IPO11: variants seen among roughly 807,000 people sequenced by gnomAD.
The protein encoded by IPO11 is importin-11.
In IPO11, 66 loss-of-function variants were observed where a neutral mutation model predicts 143.2. That is an observed-to-expected ratio of 0.46 (90% confidence interval 0.38 to 0.57). The LOEUF (loss-of-function observed/expected upper bound fraction) is 0.57. Among genes scored for constraint, IPO11 ranks in the 20% least tolerant of loss-of-function variants. IPO11 has a pLI of 0.00. For synonymous variants in IPO11, 385 were observed against 377.8 expected, an observed-to-expected ratio of 1.02 and a Z score of -0.22; for missense variants, 1,026 against 1,141.0, an observed-to-expected ratio of 0.90 and a Z score of 1.45.
chr5:62,485,056 T>A (rs1746350489), intron 11 of IPO11, among the ~76,000 whole-genome samples: 1 of 152,186 alleles, frequency 6.6e-6, no homozygotes, highest in Admixed American at 6.5e-5. Flanking sequence ...GTAATCATTG[T>A]ACCTAGTGAA....
At chr5:62,429,978 C>T (rs766551298) in intron 1 of IPO11, among the ~76,000 whole-genome samples, 9 of 152,066 alleles carry the variant, frequency 5.9e-5, no homozygotes, top group Non-Finnish European at 1.2e-4. Flanking sequence ...AAGCTGGTCT[C>T]GAACTCTGGA....
At chr5:62,604,266 T>C (rs926213289) in intron 29 of IPO11, among the ~76,000 whole-genome samples, 2 of 152,154 alleles carry the variant, frequency 1.3e-5, no homozygotes, top group Non-Finnish European at 2.9e-5. Context: ...TGGAGTGCAG[T>C]GGTATGATCT....
intron 9 of IPO11, among the ~76,000 whole-genome samples, chr5:62,477,279 T>C (rs550510634): frequency 6.6e-6 from 1 of 152,318 alleles, no homozygotes; most frequent in African/African-American, 2.4e-5. Context: ...GTGCAAATAA[T>C]TGGGTTACAG....
intron 2 of IPO11, among the ~76,000 whole-genome samples, chr5:62,442,701 A>C (rs984494689): frequency 5.3e-5 from 8 of 152,200 alleles, no homozygotes; most frequent in African/African-American, 1.9e-4. Context: ...TCTACAAAAA[A>C]AAAATACAAA....
In IPO11 at chr5:62,467,140, G is replaced by A. The variant is rs768538125; in HGVS notation, c.526G>A (p.Gly176Arg). The part of the protein sequence containing the change: ...DRKLFYDLAS[G>R]IYNFACSLWN... The stretch of plus-strand genomic sequence containing the variant: ...TGCCTTTTCTTTGCAGTTAGCTTCT[G>A]GAATTTATAATTTTGCCTGCTCTCT... Residue 176 changes from glycine (G) to arginine (R), a missense_variant, in exon 6 of 30, where the codon GGA becomes AGA. Around this residue, in one of 5 missense-constraint regions of IPO11, gnomAD observed 429 missense variants for 456.3 expected, o/e 0.94. Transcript: ENST00000325324. 24 of 1,607,212 alleles carry A rather than the reference G, an allele frequency of 1.5e-5. No individual in the cohort carries two copies. The African/African-American group carries it at 2.4e-4, about 16-fold the overall frequency.
chr5:62,465,543 A>G (rs1745543020), intron 5 of IPO11, among the ~76,000 whole-genome samples: 1 of 152,218 alleles, frequency 6.6e-6, no homozygotes, highest in South Asian at 2.1e-4. Context: ...TTTATGATAC[A>G]GTGGTTTGTG....
chr5:62,626,403 T>G (rs935407835), intron 29 of IPO11, among the ~76,000 whole-genome samples: 4 of 152,172 alleles, frequency 2.6e-5, no homozygotes, highest in African/African-American at 7.2e-5. Flanking sequence ...TTAAGTAAAC[T>G]CCAGACTTTT....
At chr5:62,611,745 C>T (rs917717559) in intron 29 of IPO11, among the ~76,000 whole-genome samples, 3 of 152,134 alleles carry the variant, frequency 2.0e-5, no homozygotes, top group African/African-American at 7.2e-5. Context: ...AATGTGGTCT[C>T]ATTTGGGAGA....
At chr5:62,433,913 A>G (rs531064598) in intron 1 of IPO11, among the ~76,000 whole-genome samples, 2 of 148,602 alleles carry the variant, frequency 1.3e-5, no homozygotes, top group African/African-American at 4.9e-5. Flanking sequence ...TCTTTGGTGG[A>G]GGGGGTGGGA....
chr5:62,624,156 T>A (rs1185457635), intron 29 of IPO11, among the ~76,000 whole-genome samples: 1 of 152,138 alleles, frequency 6.6e-6, no homozygotes, highest in Non-Finnish European at 1.5e-5. Context: ...TGCCTCAGTC[T>A]CCCAAGTAGC....
At chr5:62,583,996 T>C (rs1366367336) in intron 27 of IPO11, among the ~76,000 whole-genome samples, 2 of 152,212 alleles carry the variant, frequency 1.3e-5, no homozygotes, top group Admixed American at 6.5e-5. Context: ...ATCCATTTTT[T>C]CCATTGAGTA....
chr5:62,494,613 C>T (rs1043444727), intron 16 of IPO11, among the ~76,000 whole-genome samples: 1 of 152,008 alleles, frequency 6.6e-6, no homozygotes, highest in African/African-American at 2.4e-5. Context: ...GTAAGCTCTT[C>T]ATTGCTTTTT....
chr5:62,446,362 T>C (rs530056200), intron 3 of IPO11, among the ~76,000 whole-genome samples: 2 of 152,346 alleles, frequency 1.3e-5, no homozygotes, highest in South Asian at 2.1e-4. Flanking sequence ...TTAGTAGATA[T>C]TGTTAATTAA....
At chr5:62,606,756 T>G (rs1745734396) in intron 29 of IPO11, among the ~76,000 whole-genome samples, 1 of 152,178 alleles carries the variant, frequency 6.6e-6, no homozygotes, top group African/African-American at 2.4e-5. Context: ...TGTTTTAAAT[T>G]GAAACATATA....
intron 3 of IPO11, 120 bp from the exon 4 acceptor site, chr5:62,449,807 C>A: frequency 1.7e-6 from 1 of 581,862 alleles, no homozygotes. Context: ...TTTTTATTTA[C>A]AAAAACCAAT....
chr5:62,466,663 A>G (rs529741726), intron 5 of IPO11, among the ~76,000 whole-genome samples: 19 of 152,336 alleles, frequency 1.2e-4, no homozygotes, highest in Non-Finnish European at 1.9e-4. Context: ...TGTGGTTTGT[A>G]TGTTCCTGGC....
intron 29 of IPO11, among the ~76,000 whole-genome samples, chr5:62,614,690 C>G (rs543767040): frequency 4.0e-4 from 60 of 151,112 alleles, no homozygotes; most frequent in Non-Finnish European, 8.2e-4. Context: ...TAGCCTGCAA[C>G]TCCGAAAACC....
At chr5:62,435,786 T>C (rs1232710502) in intron 1 of IPO11, among the ~76,000 whole-genome samples, 6 of 151,600 alleles carry the variant, frequency 4.0e-5, no homozygotes, top group Non-Finnish European at 7.4e-5. Flanking sequence ...CCCAGCACTT[T>C]GGGAGGCTGA....
chr5:62,494,864 C>T (rs1317587177), intron 16 of IPO11, among the ~76,000 whole-genome samples: 1 of 151,544 alleles, frequency 6.6e-6, no homozygotes. Context: ...TTTTTCTCCC[C>T]TGAGTTGTGC....
Sources: allele counts gnomAD v4.1 joint callset (sites outside exome capture counted in the v4.1 genomes callset), GRCh38; gene constraint gnomAD v4.1.1; regional missense constraint gnomAD v4.1.1; transcripts MANE v1.5; gene names NCBI Gene and HGNC (gene_info 2026-07-23, HGNC 2026-07-21).